MGAT4C: variants seen among roughly 807,000 people sequenced by gnomAD.
The protein encoded by MGAT4C is alpha-1,3-mannosyl-glycoprotein 4-beta-N-acetylglucosaminyltransferase C.
A neutral mutation model predicts 40.1 loss-of-function variants in MGAT4C; 19 were observed. The observed-to-expected ratio is 0.47, with a 90% CI of 0.33 to 0.70. The LOEUF is 0.70. Ranked by LOEUF, MGAT4C falls within the 30% of genes least tolerant of loss-of-function variation. The pLI is 0.02. For synonymous variants in MGAT4C, 181 were observed against 187.1 expected, an observed-to-expected ratio of 0.97 and a Z score of 0.27; for missense variants, 491 against 563.2, an observed-to-expected ratio of 0.87 and a Z score of 1.30.
At chr12:86,565,691 G>C (rs138124759) in intron 2 of MGAT4C, among the ~76,000 whole-genome samples, 1 of 152,352 alleles carries the variant, frequency 6.6e-6, no homozygotes, top group East Asian at 1.9e-4. Flanking sequence ...GATGTGGATG[G>C]ACCTCTCTGA....
chr12:86,292,619 T>C (rs1020197209), intron 4 of MGAT4C, among the ~76,000 whole-genome samples: 1 of 152,124 alleles, frequency 6.6e-6, no homozygotes, highest in African/African-American at 2.4e-5. Context: ...ATAGGTAATG[T>C]GATGTCTTTA....
chr12:85,979,330 C>T lies in MGAT4C; in HGVS notation c.1396G>A (p.Glu466Lys). Residue 466 changes from glutamate (E) to lysine (K), a missense_variant, in exon 5 of 5, where the codon GAA becomes AAA. Glu to Lys is a moderately conservative substitution (Grantham distance 56, BLOSUM62 1). Coordinates refer to ENST00000611864, the MANE Select transcript of MGAT4C (RefSeq NM_001351288.2). ...CTAATACTCCTAATAATTAGCCATT[C>T]CTTTTGTGTTTTGGTGACATATATC... ...MRIYVTKTQK[E>K]WLIIRSISIW... is the part of the protein sequence containing the mutation. 1 of 1,608,244 alleles carries T rather than the reference C, an allele frequency of 6.2e-7. No individual in the cohort carries two copies. The highest frequency in any genetic ancestry group is 8.5e-7 in the Non-Finnish European group (1 of 1,176,372).
intron 4 of MGAT4C, among the ~76,000 whole-genome samples, chr12:86,282,576 T>C (rs1476983370): frequency 6.6e-6 from 1 of 152,088 alleles, no homozygotes; most frequent in Admixed American, 6.6e-5. Flanking sequence ...TTGTTTCTAA[T>C]GATGATACTT....
At chr12:86,198,307 T>C (rs1449851288) in intron 1 of MGAT4C, among the ~76,000 whole-genome samples, 1 of 152,186 alleles carries the variant, frequency 6.6e-6, no homozygotes, top group Admixed American at 6.5e-5. Flanking sequence ...CATTCAGTCA[T>C]TTGTTTTTCC....
chr12:86,481,258 AT>A (rs1957932091), intron 2 of MGAT4C, among the ~76,000 whole-genome samples: 1 of 152,086 alleles, frequency 6.6e-6, no homozygotes, highest in East Asian at 1.9e-4. Context: ...CTAGAGGGTT[AT>A]AAAGAAGCCT....
At chr12:86,413,998 C>T (rs1350819278) in intron 3 of MGAT4C, among the ~76,000 whole-genome samples, 1 of 151,890 alleles carries the variant, frequency 6.6e-6, no homozygotes, top group Admixed American at 6.6e-5. Flanking sequence ...ATAGTTAAAA[C>T]CAAGTTTTGA....
intron 2 of MGAT4C, among the ~76,000 whole-genome samples, chr12:85,994,237 T>C (rs1214464887): frequency 6.6e-6 from 1 of 152,230 alleles, no homozygotes; most frequent in African/African-American, 2.4e-5. Flanking sequence ...TAGAGAATAA[T>C]GACAGTCGTC....
In MGAT4C at chr12:86,376,940, G is replaced by C. The variant is rs191571357; in HGVS notation, c.-119-42813C>G. Among the ~76,000 whole-genome samples the C allele has an allele frequency of 2.8e-4, 42 of 151,822 alleles. No individual in the cohort carries two copies. In the Middle Eastern group the frequency reaches 0.01, roughly 37 times the overall value. On this transcript the variant is annotated intron_variant, in intron 3 of 7. Coordinates refer to the MGAT4C transcript ENST00000548651. Reference sequence around the variant, plus strand: ...ATACATCTTTAAGTTGTTGACACTAGTGGAATTAATGTACTTTATTCTTCT... The same window carrying C: ...ATACATCTTTAAGTTGTTGACACTACTGGAATTAATGTACTTTATTCTTCT...
At chr12:86,398,312 T>C (rs1956295325) in intron 3 of MGAT4C, among the ~76,000 whole-genome samples, 1 of 152,108 alleles carries the variant, frequency 6.6e-6, no homozygotes, top group African/African-American at 2.4e-5. Context: ...TCTGCCTCCA[T>C]GGTCACACTG....
chr12:86,096,801 T>C (rs1292153346), intron 1 of MGAT4C, among the ~76,000 whole-genome samples: 2 of 151,582 alleles, frequency 1.3e-5, no homozygotes, highest in Non-Finnish European at 3.0e-5. Flanking sequence ...AAAGTTCTAT[T>C]ACCCTAGTTT....
chr12:86,732,618 C>G (rs775668999), intron 1 of MGAT4C, among the ~76,000 whole-genome samples: 70 of 152,014 alleles, frequency 4.6e-4, no homozygotes, highest in Non-Finnish European at 9.1e-4. Context: ...AATGCCAAGA[C>G]AGATCTGACA....
chr12:86,067,268 T>C (rs1482677077), intron 1 of MGAT4C, among the ~76,000 whole-genome samples: 1 of 152,210 alleles, frequency 6.6e-6, no homozygotes. Context: ...CAAATGTTTA[T>C]TGTGGCACTT....
intron 1 of MGAT4C, among the ~76,000 whole-genome samples, chr12:86,207,938 T>C (rs1433248089): frequency 6.6e-6 from 1 of 152,220 alleles, no homozygotes; most frequent in African/African-American, 2.4e-5. Flanking sequence ...ATTGATACTT[T>C]CAAAAATAGT....
chr12:86,680,937 A>G (rs949542707), intron 2 of MGAT4C, among the ~76,000 whole-genome samples: 7 of 152,020 alleles, frequency 4.6e-5, no homozygotes, highest in Non-Finnish European at 8.8e-5. Flanking sequence ...TAAATTTGCA[A>G]GCATTTTTTT....
At chr12:86,607,885 T>C (rs1229211922) in intron 2 of MGAT4C, among the ~76,000 whole-genome samples, 1 of 152,082 alleles carries the variant, frequency 6.6e-6, no homozygotes, top group Non-Finnish European at 1.5e-5. Context: ...CTGTTGGATA[T>C]CTTTATGCCA....
intron 3 of MGAT4C, among the ~76,000 whole-genome samples, chr12:86,359,800 T>C (rs1366315057): frequency 6.6e-6 from 1 of 152,192 alleles, no homozygotes; most frequent in East Asian, 1.9e-4. Flanking sequence ...AATCTCTGAA[T>C]AGACCAATAA....
chr12:86,592,437 C>T (rs1961366417), intron 2 of MGAT4C, among the ~76,000 whole-genome samples: 1 of 151,954 alleles, frequency 6.6e-6, no homozygotes, highest in African/African-American at 2.4e-5. Context: ...AAAGTGTTAT[C>T]AAACTGTATA....
chr12:86,477,385 A>G (rs1957854434), intron 2 of MGAT4C, among the ~76,000 whole-genome samples: 1 of 151,990 alleles, frequency 6.6e-6, no homozygotes, highest in Admixed American at 6.6e-5. Flanking sequence ...CATAAAGAGG[A>G]CCATAGTAGA....
intron 2 of MGAT4C, among the ~76,000 whole-genome samples, chr12:86,690,048 A>T (rs1950147999): frequency 6.6e-6 from 1 of 152,164 alleles, no homozygotes; most frequent in Non-Finnish European, 1.5e-5. Context: ...GTCTGGCTAC[A>T]GCAGCTTTGC....
Sources: gnomAD v4.1 joint callset for allele counts (sites outside exome capture counted in the v4.1 genomes callset) on GRCh38, gnomAD v4.1.1 for gene constraint, MANE v1.5 for transcripts, NCBI Gene and HGNC (gene_info 2026-07-23, HGNC 2026-07-21) for gene names.